The following MPC2 variants were observed in gnomAD, a reference collection of about 807,000 sequenced individuals.
MPC2 encodes brain protein 44.
In MPC2, 19 loss-of-function variants were observed where a neutral mutation model predicts 19.2. That is an observed-to-expected ratio of 0.99 (90% CI 0.69 to 1.45). MPC2 has a LOEUF of 1.45. Among genes scored for constraint, MPC2 ranks in the 40% most tolerant of loss-of-function variants. The pLI, the probability that MPC2 is intolerant of heterozygous loss-of-function variation, is 0.00. For missense variants in MPC2, 122 were observed against 153.0 expected (o/e 0.80, Z 1.07); for synonymous variants, 61 against 54.3 (o/e 1.12, Z -0.54).
Position 167,920,535 on chromosome 1 carries a change from T to C in MPC2, c.235+12A>G. 1 of 1,611,236 alleles carries C rather than the reference T, an allele frequency of 6.2e-7. No individual in the cohort carries two copies. Among genetic ancestry groups the C allele is most frequent in the Non-Finnish European group, 8.5e-7 (1 of 1,178,640 alleles). On this transcript the variant is annotated intron_variant, in intron 4 of 5. Transcript: ENST00000271373. ...TTCTACAAGAAACACAGAAGATATT[T>C]ATTTAATTTACCTGTAGCCATCAAA...
At chr1:167,932,732 C>T (rs1335666342) in intron 2 of MPC2, among the ~76,000 whole-genome samples, 1 of 150,786 alleles carries the variant, frequency 6.6e-6, no homozygotes, top group African/African-American at 2.4e-5. Context: ...TCGCTTGAAC[C>T]CAGGAGGCCA....
chr1:167,922,017 G>C (rs1432147180), intron 3 of MPC2, among the ~76,000 whole-genome samples: 1 of 152,212 alleles, frequency 6.6e-6, no homozygotes, highest in East Asian at 1.9e-4. Flanking sequence ...CATATGGTCT[G>C]AGAGTCTTCA....
chr1:167,928,297 G>A (rs145901190), intron 2 of MPC2, among the ~76,000 whole-genome samples: 1 of 148,100 alleles, frequency 6.8e-6, no homozygotes, highest in Admixed American at 6.7e-5. Flanking sequence ...GCAGTGAGCC[G>A]AGATCGCACC....
chr1:167,920,099 AC>A lies in MPC2; in HGVS notation c.236-10del, dbSNP rs1385243789. On this transcript the variant is annotated splice_polypyrimidine_tract_variant and intron_variant, in intron 4 of 5. Coordinates refer to ENST00000271373, the MANE Select transcript of MPC2 (RefSeq NM_001143674.4). ...TCTTGACCAAATAAACCCTGTTGAA[AC>A]AAAATGTTACTTTAAAAAGAATACA... 1 of 1,538,704 alleles carries A rather than the reference AC, an allele frequency of 6.5e-7. No homozygotes were observed. Among genetic ancestry groups the A allele is most frequent in the African/African-American group, 1.4e-5 (1 of 72,872 alleles).
chr1:167,919,940 CT>C, intron 5 of MPC2, 38 bp downstream of exon 5: 1 of 1,497,906 alleles, frequency 6.7e-7, no homozygotes, highest in Admixed American at 2.0e-5. Context: ...ATCTAAGTAG[CT>C]TTTGCAACAG....
intron 3 of MPC2, among the ~76,000 whole-genome samples, chr1:167,922,460 C>T (rs899748693): frequency 2.6e-5 from 4 of 151,986 alleles, no homozygotes; most frequent in Non-Finnish European, 5.9e-5. Context: ...TGATTGAATA[C>T]TTCAGCAATC....
rs1320961920 is a variant in MPC2 at position 167,935,752 on chromosome 1, C to T, written c.90G>A (p.Pro30=). 2.6e-6 allele frequency: 4 copies of T among 1,563,894 alleles called. No individual in the cohort carries two copies. The highest frequency in any genetic ancestry group is 3.5e-6 in the Non-Finnish European group (4 of 1,153,654). ...VELMLPEKLR[P]LYNHPAGPRT... is the part of the protein sequence containing the mutation. ...CATTACCTGCTGGATGGTTGTACAA[C>T]GGCCTCAATTTCTCGGGCAGCATCA... The change falls in exon 2 of 6, where the codon CCG becomes CCA. Residue 30 remains proline, a synonymous_variant. Coordinates refer to ENST00000271373, the MANE Select transcript of MPC2 (RefSeq NM_001143674.4).
At chr1:167,936,634 C>G in intron 1 of MPC2, 1 of 381,318 alleles carries the variant, frequency 2.6e-6, no homozygotes, top group Non-Finnish European at 4.8e-6. Context: ...TCCGCCTCCG[C>G]CTCCTCCTGT....
intron 5 of MPC2, among the ~76,000 whole-genome samples, chr1:167,918,992 C>T (rs1310119094): frequency 6.6e-6 from 1 of 152,088 alleles, no homozygotes; most frequent in Non-Finnish European, 1.5e-5. Flanking sequence ...AAGAACGTGA[C>T]AAACTTGTGA....
At chr1:167,924,068 A>C (rs1051025521) in intron 3 of MPC2, among the ~76,000 whole-genome samples, 8 of 152,204 alleles carry the variant, frequency 5.3e-5, no homozygotes, top group African/African-American at 7.2e-5. Context: ...ACCAAATGCT[A>C]ATATTTATAT....
At chr1:167,936,818 G>A (rs1671298472) in intron 1 of MPC2, 121 bp downstream of exon 1, 2 of 1,163,224 alleles carry the variant, frequency 1.7e-6, no homozygotes, top group African/African-American at 3.1e-5. Context: ...CGCGGATGGT[G>A]CCGGTGCGGC....
At chr1:167,936,014 C>T (rs1011205080) in intron 1 of MPC2, 116 bp from the exon 2 acceptor site, 1 of 614,742 alleles carries the variant, frequency 1.6e-6, no homozygotes, top group Non-Finnish European at 2.9e-6. Context: ...AAGCTGCGGC[C>T]CGCGCCCCGC....
rs1670564156 is a variant in MPC2, at chr1:167,920,102, A to C, written c.236-12T>G. On this transcript the variant is annotated splice_polypyrimidine_tract_variant and intron_variant, in intron 4 of 5. Transcript: ENST00000271373. Reference sequence around the variant, plus strand: ...TGACCAAATAAACCCTGTTGAAACAAAATGTTACTTTAAAAAGAATACATA... The same window carrying C: ...TGACCAAATAAACCCTGTTGAAACACAATGTTACTTTAAAAAGAATACATA... The C allele has an allele frequency of 6.5e-7, 1 of 1,537,380 alleles. No individual in the cohort carries two copies.
chr1:167,931,268 C>G (rs1411225620), intron 2 of MPC2, among the ~76,000 whole-genome samples: 1 of 152,136 alleles, frequency 6.6e-6, no homozygotes, highest in East Asian at 1.9e-4. Context: ...AGAATACAAA[C>G]TCTGTGTGGG....
chr1:167,936,700 TAAG>T (rs1187893485), intron 1 of MPC2: 7 of 561,884 alleles, frequency 1.2e-5, no homozygotes, highest in Non-Finnish European at 2.2e-5. Context: ...CTGGTTAGTC[TAAG>T]AAGGAGAGTA....
At chr1:167,931,085 C>T (rs1382727095) in intron 2 of MPC2, among the ~76,000 whole-genome samples, 1 of 152,232 alleles carries the variant, frequency 6.6e-6, no homozygotes, top group East Asian at 1.9e-4. Flanking sequence ...GTGTGCACCA[C>T]CATGCCCAGC....
chr1:167,920,986 G>A (rs1017630382), intron 3 of MPC2, among the ~76,000 whole-genome samples: 1 of 151,944 alleles, frequency 6.6e-6, no homozygotes, highest in African/African-American at 2.4e-5. Flanking sequence ...TATATGTCAG[G>A]AACCACTAAC....
chr1:167,928,312 C>T (rs1292967772), intron 2 of MPC2, among the ~76,000 whole-genome samples: 1 of 144,806 alleles, frequency 6.9e-6, no homozygotes, highest in Non-Finnish European at 1.5e-5. Context: ...CGCACCACTG[C>T]ACTCCAGAAA....
At position 167,937,040 on chromosome 1, in the gene MPC2, G is replaced by T; in HGVS notation, c.-159C>A. 6.4e-7 allele frequency: 1 copy of T among 1,570,382 alleles called. No individual in the cohort carries two copies. Among genetic ancestry groups the T allele is most frequent in the South Asian group, 1.1e-5 (1 of 87,190 alleles). Reference sequence around the variant, plus strand: ...GGGGGCCCCGGGGCGGAGGCGCTGAGGTCGCCGCCTAGAGTGGGGGAGGGG... The same window carrying T: ...GGGGGCCCCGGGGCGGAGGCGCTGATGTCGCCGCCTAGAGTGGGGGAGGGG... On this transcript the variant is annotated 5_prime_UTR_variant, in exon 1 of 6. Coordinates refer to ENST00000271373, the MANE Select transcript of MPC2 (RefSeq NM_001143674.4).
Sources: allele counts gnomAD v4.1 joint callset (sites outside exome capture counted in the v4.1 genomes callset), GRCh38; gene constraint gnomAD v4.1.1; transcripts MANE v1.5; gene names NCBI Gene and HGNC (gene_info 2026-07-23, HGNC 2026-07-21).